The following DCDC1 variants were observed in gnomAD, a reference collection of about 807,000 sequenced individuals.
The protein encoded by DCDC1 is doublecortin domain containing 1.
DCDC1 carries 200 observed loss-of-function variants against 178.3 expected under a neutral mutation model. The ratio of observed to expected loss-of-function variants is 1.12; its 90% confidence interval spans 1.00 to 1.26. DCDC1 has a LOEUF of 1.26. DCDC1 is among the 50% of genes most tolerant of loss of function. The pLI, the probability that DCDC1 is intolerant of heterozygous loss-of-function variation, is 0.00. For synonymous variants in DCDC1, 690 were observed against 604.8 expected (o/e 1.14, Z -2.07); for missense variants, 1,983 against 1,749.2 (o/e 1.13, Z -2.38).
At chr11:31,306,065 T>A (rs1257608340) in intron 5 of DCDC1, among the ~76,000 whole-genome samples, 167 bp downstream of exon 5, 1 of 152,032 alleles carries the variant, frequency 6.6e-6, no homozygotes, top group Non-Finnish European at 1.5e-5. Context: ...TGAATTTTTT[T>A]AAAAAAGGAG....
intron 7 of DCDC1, among the ~76,000 whole-genome samples, chr11:31,280,351 C>T (rs1306703538): frequency 6.6e-6 from 1 of 152,092 alleles, no homozygotes; most frequent in Non-Finnish European, 1.5e-5. Flanking sequence ...AATATAAAAC[C>T]AATCACCAGT....
chr11:31,216,879 T>G (rs1316003984), intron 9 of DCDC1, among the ~76,000 whole-genome samples: 1 of 152,208 alleles, frequency 6.6e-6, no homozygotes, highest in Admixed American at 6.5e-5. Context: ...GCCAGAGTAG[T>G]CTACAAAGCA....
At chr11:30,883,695 A>G (rs1942903800) in intron 36 of DCDC1, among the ~76,000 whole-genome samples, 1 of 152,160 alleles carries the variant, frequency 6.6e-6, no homozygotes. Context: ...TTTAGGGGAA[A>G]AGATTTTAAT....
intron 5 of DCDC1, 164 bp from the exon 6 acceptor site, chr11:31,305,941 C>G: frequency 1.2e-6 from 1 of 833,192 alleles, no homozygotes. Context: ...AGGTAAGTCA[C>G]AGCATGAAGC....
intron 36 of DCDC1, among the ~76,000 whole-genome samples, chr11:30,889,704 C>A (rs988161972): frequency 2.0e-5 from 3 of 152,190 alleles, no homozygotes; most frequent in Admixed American, 6.5e-5. Flanking sequence ...GGAAGAGATT[C>A]GAAGTTTCTA....
At chr11:30,947,395 A>G (rs910948757) in intron 21 of DCDC1, among the ~76,000 whole-genome samples, 1 of 152,174 alleles carries the variant, frequency 6.6e-6, no homozygotes, top group African/African-American at 2.4e-5. Context: ...TAGATGGCCT[A>G]TAAATAAATT....
At chr11:31,288,878 A>G (rs1361753562) in intron 7 of DCDC1, among the ~76,000 whole-genome samples, 4 of 151,820 alleles carry the variant, frequency 2.6e-5, no homozygotes, top group Non-Finnish European at 5.9e-5. Flanking sequence ...CCTTCTAAAA[A>G]GTTCTTATTG....
intron 20 of DCDC1, among the ~76,000 whole-genome samples, chr11:30,989,153 T>C (rs764182826): frequency 2.6e-5 from 4 of 152,062 alleles, no homozygotes; most frequent in Non-Finnish European, 4.4e-5. Context: ...GTAAAAGAGA[T>C]TGAAAAGGAG....
intron 12 of DCDC1, among the ~76,000 whole-genome samples, chr11:31,109,144 G>A (rs998610397): frequency 4.0e-5 from 6 of 148,656 alleles, no homozygotes; most frequent in Non-Finnish European, 7.4e-5. Context: ...TTTGAGACAG[G>A]GTCTCACTCT....
chr11:31,311,125 C>T (rs1357254100), intron 3 of DCDC1, among the ~76,000 whole-genome samples: 1 of 152,200 alleles, frequency 6.6e-6, no homozygotes, highest in East Asian at 1.9e-4. Flanking sequence ...TCTTCAGTCT[C>T]TGTCTATATG....
intron 21 of DCDC1, among the ~76,000 whole-genome samples, chr11:30,940,231 TC>T (rs1947544190): frequency 6.6e-6 from 1 of 152,132 alleles, no homozygotes. Flanking sequence ...TTATCTGAGT[TC>T]CTTTCTCAGG....
chr11:31,070,212 C>T (rs977282097), intron 18 of DCDC1, among the ~76,000 whole-genome samples: 1 of 152,178 alleles, frequency 6.6e-6, no homozygotes, highest in Non-Finnish European at 1.5e-5. Flanking sequence ...ATGAGGCACC[C>T]ACAGGTTCAG....
chr11:30,884,163 A>G (rs1193362022), intron 36 of DCDC1, among the ~76,000 whole-genome samples: 1 of 150,710 alleles, frequency 6.6e-6, no homozygotes, highest in Non-Finnish European at 1.5e-5. Flanking sequence ...TCTCCCGAGT[A>G]TCTGGGACTA....
chr11:31,120,181 C>T (rs1464829208), intron 11 of DCDC1, among the ~76,000 whole-genome samples: 1 of 152,148 alleles, frequency 6.6e-6, no homozygotes, highest in African/African-American at 2.4e-5. Context: ...TGAATTATCC[C>T]TTTAACAAAG....
chr11:31,102,078 G>GAAAAAAA, intron 15 of DCDC1, 99 bp downstream of exon 15: 2 of 383,718 alleles, frequency 5.2e-6, no homozygotes, highest in East Asian at 3.6e-5. Context: ...CTCCATCTCA[G>GAAAAAAA]AAAAAAAAAA....
intron 18 of DCDC1, among the ~76,000 whole-genome samples, chr11:31,068,855 A>T (rs1490647234): frequency 2.1e-5 from 3 of 145,218 alleles, no homozygotes; most frequent in Non-Finnish European, 3.0e-5. Flanking sequence ...TCATTAATGT[A>T]TTTTTTTTTT....
intron 9 of DCDC1, among the ~76,000 whole-genome samples, chr11:31,230,857 G>A (rs78206727): frequency 0.015 from 2,290 of 150,436 alleles, 24 homozygotes; most frequent in Non-Finnish European, 0.025. Flanking sequence ...AAATCTATCC[G>A]GTGAGGTGAA....
At chr11:30,946,973 A>C (rs995283896) in intron 21 of DCDC1, among the ~76,000 whole-genome samples, 6 of 152,168 alleles carry the variant, frequency 3.9e-5, no homozygotes, top group African/African-American at 1.4e-4. Flanking sequence ...CAACAGGCTA[A>C]ATTTCACTGA....
intron 7 of DCDC1, among the ~76,000 whole-genome samples, chr11:31,287,514 A>T (rs1250552083): frequency 2.6e-5 from 4 of 151,882 alleles, no homozygotes; most frequent in Non-Finnish European, 4.4e-5. Context: ...TATCCAGCAC[A>T]TCTTGAAAAA....
Sources: gnomAD v4.1 joint callset for allele counts (sites outside exome capture counted in the v4.1 genomes callset) on GRCh38, gnomAD v4.1.1 for gene constraint, MANE v1.5 for transcripts, NCBI Gene and HGNC (gene_info 2026-07-23, HGNC 2026-07-21) for gene names.